The following ELP3 variants were observed in gnomAD, a reference collection of about 807,000 sequenced individuals.
ELP3 encodes elongator complex protein 3.
Under a neutral mutation model 74.9 loss-of-function variants are expected in ELP3, and 56 were observed. The observed-to-expected ratio is 0.75, with a 90% CI of 0.60 to 0.93. The LOEUF (loss-of-function observed/expected upper bound fraction) is 0.93, where lower values mean the gene tolerates loss of function less well. Ranked by LOEUF, ELP3 falls within the 40% of genes least tolerant of loss-of-function variation. ELP3 has a pLI of 0.00. For synonymous variants in ELP3, 222 were observed against 239.8 expected, an observed-to-expected ratio of 0.93 and a Z score of 0.68; for missense variants, 573 against 686.5, an observed-to-expected ratio of 0.83 and a Z score of 1.85.
At chr8:28,093,394 C>G in intron 1 of ELP3, 161 bp downstream of exon 1, 2 of 987,464 alleles carry the variant, frequency 2.0e-6, no homozygotes, top group Non-Finnish European at 2.9e-6. Context: ...CGAGCCTTCT[C>G]GTTTTTCCTG....
intron 14 of ELP3, among the ~76,000 whole-genome samples, chr8:28,184,160 A>C (rs771881567): frequency 1.3e-5 from 2 of 152,000 alleles, no homozygotes; most frequent in Non-Finnish European, 2.9e-5. Flanking sequence ...ACAGGAGGAA[A>C]TTTTTCTTTC....
intron 14 of ELP3, among the ~76,000 whole-genome samples, chr8:28,184,045 T>A (rs73564370): frequency 0.012 from 1,839 of 152,330 alleles, 40 homozygotes; most frequent in African/African-American, 0.042. Flanking sequence ...CTGGGAGCCC[T>A]GCTGAGCATG....
chr8:28,118,543 A>T (rs1190002366), intron 7 of ELP3, among the ~76,000 whole-genome samples: 1 of 152,154 alleles, frequency 6.6e-6, no homozygotes, highest in East Asian at 1.9e-4. Flanking sequence ...TATCAGCTGG[A>T]CTGAGATTCT....
At chr8:28,109,563 G>A (rs1010894628) in intron 5 of ELP3, among the ~76,000 whole-genome samples, 6 of 152,066 alleles carry the variant, frequency 3.9e-5, no homozygotes, top group African/African-American at 1.4e-4. Flanking sequence ...GAAGTGTTTC[G>A]GATTTTGGAT....
At chr8:28,187,038 T>G (rs1056189873) in intron 14 of ELP3, among the ~76,000 whole-genome samples, 5 of 152,150 alleles carry the variant, frequency 3.3e-5, no homozygotes, top group Non-Finnish European at 4.4e-5. Context: ...CTGATTCCTC[T>G]TGCAAGCTCT....
At chr8:28,176,598 A>C (rs1380022722) in intron 14 of ELP3, among the ~76,000 whole-genome samples, 1 of 152,212 alleles carries the variant, frequency 6.6e-6, no homozygotes, top group South Asian at 2.1e-4. Context: ...AAGTTCCAGC[A>C]TTCCAAAATA....
At chr8:28,148,376 G>A (rs1260475931) in intron 10 of ELP3, among the ~76,000 whole-genome samples, 3 of 151,270 alleles carry the variant, frequency 2.0e-5, no homozygotes, top group Non-Finnish European at 4.4e-5. Flanking sequence ...GCCGGCAGAC[G>A]CAGTCTTGAC....
At chr8:28,130,906 A>T (rs1036055286) in intron 8 of ELP3, among the ~76,000 whole-genome samples, 1 of 152,192 alleles carries the variant, frequency 6.6e-6, no homozygotes, top group Non-Finnish European at 1.5e-5. Context: ...AGAGGGGCTG[A>T]TTATTAGGGG....
chr8:28,181,241 C>T (rs1466772332), intron 14 of ELP3, among the ~76,000 whole-genome samples: 1 of 152,184 alleles, frequency 6.6e-6, no homozygotes, highest in Non-Finnish European at 1.5e-5. Flanking sequence ...GTCATCTGTT[C>T]ACTAAGCTTA....
At chr8:28,149,936 C>G (rs1470020803) in intron 10 of ELP3, among the ~76,000 whole-genome samples, 2 of 152,066 alleles carry the variant, frequency 1.3e-5, no homozygotes, top group Non-Finnish European at 2.9e-5. Context: ...CTTAGCATAT[C>G]AGTTATTCTT....
chr8:28,090,646 G>A (rs1004850954), upstream of ELP3, among the ~76,000 whole-genome samples: 16 of 151,964 alleles, frequency 1.1e-4, no homozygotes, highest in South Asian at 2.1e-4. Context: ...CTCCCCTCAC[G>A]CATATCCCAC....
upstream of ELP3, among the ~76,000 whole-genome samples, chr8:28,091,262 T>G (rs889162894): frequency 3.9e-5 from 6 of 152,110 alleles, no homozygotes; most frequent in Admixed American, 3.9e-4. Flanking sequence ...AGCCTTAAGG[T>G]CTCTGTGTTG....
At chr8:28,100,674 GGTAGT>G in intron 3 of ELP3, among the ~76,000 whole-genome samples, 2 of 152,350 alleles carry the variant, frequency 1.3e-5, no homozygotes, top group Admixed American at 1.3e-4. Context: ...TTTTGAAAAA[GGTAGT>G]AATATGAACA....
Position 28,099,940 on chromosome 8 carries a change from G to A in ELP3, c.232G>A (p.Ala78Thr). The change falls in exon 3 of 15, where the codon GCG becomes ACG. Residue 78 changes from alanine to threonine, a missense_variant. By Grantham distance (58) the Ala-to-Thr change is moderately conservative (BLOSUM62 0). Coordinates refer to ENST00000256398, the MANE Select transcript of ELP3 (RefSeq NM_018091.6). Reference protein sequence around the residue: ...YRKVLMPKLKAKPIRTASGIA... With the variant: ...YRKVLMPKLKTKPIRTASGIA... ...CAAGGTCTTGATGCCCAAGTTAAAG[G>A]CGAAACCCATCAGAACTGCTAGTGG... 1 of 1,614,146 alleles carries A rather than the reference G, an allele frequency of 6.2e-7. No individual in the cohort carries two copies. Among genetic ancestry groups the A allele is most frequent in the South Asian group, 1.1e-5 (1 of 91,078 alleles).
chr8:28,175,053 C>A (rs1338283851), intron 14 of ELP3, among the ~76,000 whole-genome samples: 1 of 152,220 alleles, frequency 6.6e-6, no homozygotes, highest in Non-Finnish European at 1.5e-5. Context: ...CTCATTTTGC[C>A]TCTTGCTGCT....
intron 13 of ELP3, among the ~76,000 whole-genome samples, chr8:28,161,612 A>G (rs1043184382): frequency 1.6e-5 from 2 of 126,138 alleles, no homozygotes; most frequent in African/African-American, 6.7e-5. Context: ...TCTCAAGAGA[A>G]AAAAAAAAAA....
At chr8:28,168,868 G>A (rs73668165) in intron 14 of ELP3, among the ~76,000 whole-genome samples, 5,193 of 152,232 alleles carry the variant, frequency 0.034, 320 homozygotes, top group African/African-American at 0.12. Context: ...GTTATTCTTT[G>A]GGTGAACAGG....
At position 28,132,191 on chromosome 8, in the gene ELP3, G is replaced by C. The variant is rs1014893868; in HGVS notation, c.780-87G>C. ...AGAGATTGTTTTCCCCTTGTTCCTTGTGTTAACTTTGTCACCCATTTATTT... is the reference window on the plus strand; with the variant it reads ...AGAGATTGTTTTCCCCTTGTTCCTTCTGTTAACTTTGTCACCCATTTATTT... On this transcript the variant is annotated intron_variant, in intron 8 of 14. Coordinates refer to ENST00000256398, the MANE Select transcript of ELP3 (RefSeq NM_018091.6). 62 of 1,418,548 alleles carry C rather than the reference G, an allele frequency of 4.4e-5. No homozygotes were observed. In the Middle Eastern group the frequency reaches 7.0e-4, roughly 16 times the overall value. 87.9% of individuals were successfully genotyped at this position (1,418,548 alleles called of 1,614,324 possible). A position where few individuals can be genotyped will look rare whatever the true frequency, so the allele number is the denominator to read the frequency against.
At chr8:28,126,012 A>AT (rs945039824) in intron 7 of ELP3, among the ~76,000 whole-genome samples, 33 of 151,286 alleles carry the variant, frequency 2.2e-4, no homozygotes, top group Middle Eastern at 3.4e-3. Context: ...CAAATTTGTA[A>AT]TTTTTTTTTA....
Sources: allele counts gnomAD v4.1 joint callset (sites outside exome capture counted in the v4.1 genomes callset), GRCh38; gene constraint gnomAD v4.1.1; transcripts MANE v1.5; gene names NCBI Gene and HGNC (gene_info 2026-07-23, HGNC 2026-07-21).